Variants in PIAS1 observed in about 807,000 individuals in gnomAD.
The protein encoded by PIAS1 is E3 SUMO-protein ligase PIAS1.
PIAS1 carries 6 observed loss-of-function variants against 71.3 expected under a neutral mutation model. That is an observed-to-expected ratio of 0.08 (90% CI 0.05 to 0.17). The LOEUF is 0.17. Ranked by LOEUF, PIAS1 falls within the 10% of genes least tolerant of loss-of-function variation. The pLI is 1.00. For missense variants in PIAS1, 555 were observed against 793.6 expected (o/e 0.70, Z 3.61); for synonymous variants, 303 against 292.9 (o/e 1.03, Z -0.35).
chr15:68,101,220 C>T (rs2092422433), intron 2 of PIAS1, among the ~76,000 whole-genome samples: 1 of 152,018 alleles, frequency 6.6e-6, no homozygotes, highest in South Asian at 2.1e-4. Flanking sequence ...TTTTAGTTTG[C>T]ATTTCCCTAA....
At chr15:68,183,782 T>G (rs2093070664) in intron 13 of PIAS1, 115 bp downstream of exon 13, 1 of 557,220 alleles carries the variant, frequency 1.8e-6, no homozygotes, top group Non-Finnish European at 3.3e-6. Flanking sequence ...AAGATTATAA[T>G]GGAGCTGAAA....
rs2092281783 is a variant in PIAS1, at chr15:68,086,387, G to A, written c.106G>A (p.Glu36Lys). ...GAGAAACAAGCACGGACGCAAACACGAACTTCTCACAAAAGCCCTGCATTT... is the reference window on the plus strand; with the variant it reads ...GAGAAACAAGCACGGACGCAAACACAAACTTCTCACAAAAGCCCTGCATTT... Reference protein sequence around the residue: ...AGRNKHGRKHELLTKALHLLK... With the variant: ...AGRNKHGRKHKLLTKALHLLK... The change falls in exon 2 of 14, where the codon GAA (glutamate) becomes AAA (lysine). Residue 36 changes from glutamate to lysine, a missense_variant. By Grantham distance (56) the Glu-to-Lys change is moderately conservative. Transcript: ENST00000249636. The surrounding 1 kb of genome is among the most constrained non-coding windows in gnomAD (Gnocchi z 7.2). 1.9e-6 allele frequency: 3 copies of A among 1,613,580 alleles called. No individual in the cohort carries two copies. Among genetic ancestry groups the A allele is most frequent in the African/African-American group, 2.7e-5 (2 of 74,864 alleles).
At chr15:68,098,194 T>C (rs986379035) in intron 2 of PIAS1, among the ~76,000 whole-genome samples, 2 of 152,172 alleles carry the variant, frequency 1.3e-5, no homozygotes, top group Non-Finnish European at 2.9e-5. Flanking sequence ...TACTATAACC[T>C]ATTGTTTACC....
intron 13 of PIAS1, 128 bp downstream of exon 13, chr15:68,183,795 T>C: frequency 1.8e-6 from 1 of 542,468 alleles, no homozygotes; most frequent in Non-Finnish European, 3.4e-6. Flanking sequence ...AGCTGAAAAA[T>C]CCCTACATCA....
intron 2 of PIAS1, 67 bp from the exon 3 acceptor site, chr15:68,141,879 T>G (rs2092772719): frequency 1.1e-6 from 1 of 946,786 alleles, no homozygotes; most frequent in Non-Finnish European, 1.6e-6. Flanking sequence ...GTGTGTTTTT[T>G]TTTTTTGCTT....
Position 68,142,049 on chromosome 15 carries a change from T to A in PIAS1, c.554+19T>A. The A allele has an allele frequency of 6.6e-7, 1 of 1,519,890 alleles. No homozygotes were observed. The allele number at this position is 1,519,890 out of a possible 1,614,324, so 94.2% of individuals were successfully genotyped here. On this transcript the variant is annotated intron_variant, in intron 3 of 13. Transcript: ENST00000249636. ...GTTCCATGTAAGTTGTCGTCAAGTG[T>A]AACTTGAAGTTTGACCTTTGAATCC...
chr15:68,098,518 A>G (rs756504538), intron 2 of PIAS1, among the ~76,000 whole-genome samples: 1 of 152,188 alleles, frequency 6.6e-6, no homozygotes, highest in Non-Finnish European at 1.5e-5. Context: ...TTCAAGGGTC[A>G]ATTGTACTTA....
At chr15:68,081,617 G>A (rs1169519828) in intron 1 of PIAS1, among the ~76,000 whole-genome samples, 5 of 151,998 alleles carry the variant, frequency 3.3e-5, no homozygotes, top group Admixed American at 1.3e-4. Context: ...AAAATTAAAA[G>A]AGTTCATGGA....
chr15:68,086,404 C>T lies in PIAS1; in HGVS notation c.123C>T (p.Ala41=). 6.2e-7 allele frequency: 1 copy of T among 1,613,782 alleles called. No individual in the cohort carries two copies. The highest frequency in any genetic ancestry group is 8.5e-7 in the Non-Finnish European group (1 of 1,179,774). ...GCAAACACGAACTTCTCACAAAAGC[C>T]CTGCATTTGCTAAAGGCTGGCTGTA... is the stretch of plus-strand genomic sequence containing the variant. ...HGRKHELLTK[A]LHLLKAGCSP... Residue 41 remains alanine (A), a synonymous_variant, in exon 2 of 14, where the codon GCC becomes GCT. Transcript: ENST00000249636. The surrounding 1 kb of genome is among the most constrained non-coding windows in gnomAD (Gnocchi z 7.2).
intron 1 of PIAS1, among the ~76,000 whole-genome samples, chr15:68,075,544 A>G (rs1412925089): frequency 6.6e-6 from 1 of 152,180 alleles, no homozygotes; most frequent in Non-Finnish European, 1.5e-5. Context: ...CTTTACATAG[A>G]CTAAAGGATG....
rs2093012581 is a variant in PIAS1 at position 68,174,954 on chromosome 15, T to C, written c.1170-683T>C. On this transcript the variant is annotated intron_variant, in intron 9 of 13. Coordinates refer to ENST00000249636, the MANE Select transcript of PIAS1 (RefSeq NM_016166.3). This position sits in a 1 kb window ranked among gnomAD's most constrained non-coding sequence, Gnocchi z 4.0. ...ATATTTTCCAACTTTATATGTTACA[T>C]AGCTTTAGGTTCTCCCATTTCTTGT... is the stretch of plus-strand genomic sequence containing the variant. Among the ~76,000 whole-genome samples, 1 of 152,212 alleles carries C rather than the reference T, an allele frequency of 6.6e-6. No individual in the cohort carries two copies. The highest frequency in any genetic ancestry group is 1.5e-5 in the Non-Finnish European group (1 of 68,028).
At chr15:68,100,625 C>T (rs1399481506) in intron 2 of PIAS1, among the ~76,000 whole-genome samples, 1 of 152,174 alleles carries the variant, frequency 6.6e-6, no homozygotes, top group East Asian at 1.9e-4. Context: ...TATTCATATA[C>T]AATTTCCTGT....
chr15:68,066,994 C>G (rs539902050), intron 1 of PIAS1, among the ~76,000 whole-genome samples: 1 of 152,146 alleles, frequency 6.6e-6, no homozygotes, highest in South Asian at 2.1e-4. Flanking sequence ...AGGCTACTTA[C>G]CTGGCTGATA....
At chr15:68,072,317 G>A (rs959427786) in intron 1 of PIAS1, among the ~76,000 whole-genome samples, 7 of 147,864 alleles carry the variant, frequency 4.7e-5, no homozygotes, top group African/African-American at 1.3e-4. Flanking sequence ...GGAGAATGGC[G>A]TGAACCCAGG....
At chr15:68,156,510 C>G (rs2092890377) in intron 7 of PIAS1, among the ~76,000 whole-genome samples, 1 of 151,878 alleles carries the variant, frequency 6.6e-6, no homozygotes, top group Non-Finnish European at 1.5e-5. Context: ...GAGTTCAGAC[C>G]AGCCTGACCA....
chr15:68,153,092 A>G (rs1049484855), intron 6 of PIAS1, among the ~76,000 whole-genome samples: 1 of 151,850 alleles, frequency 6.6e-6, no homozygotes, highest in African/African-American at 2.4e-5. Context: ...GCATAGAGAA[A>G]GGTTAAAAGG....
Position 68,145,898 on chromosome 15 carries a change from A to G in PIAS1, c.685A>G (p.Ser229Gly). ...TGTGAAAGTGAATACAAAACCTTGC[A>G]GCCTTCCAGTAAGTCCTAAGAGCTG... ...LCVKVNTKPC[S>G]LPGYLPPTKN... Residue 229 changes from serine to glycine, a missense_variant, in exon 5 of 14, where the codon AGC becomes GGC. By Grantham distance (56) the Ser-to-Gly change is moderately conservative. Around this residue, in one of 5 missense-constraint regions of PIAS1, gnomAD observed 134 missense variants for 203.4 expected, o/e 0.66. Transcript: ENST00000249636. 1 of 1,599,850 alleles carries G rather than the reference A, an allele frequency of 6.3e-7. No individual in the cohort carries two copies. The highest frequency in any genetic ancestry group is 8.6e-7 in the Non-Finnish European group (1 of 1,167,200).
chr15:68,069,803 CAAAAAAAA>C (rs56693841), intron 1 of PIAS1, among the ~76,000 whole-genome samples: 3 of 101,456 alleles, frequency 3.0e-5, no homozygotes, highest in African/African-American at 1.1e-4. Flanking sequence ...GACTCCGTCT[CAAAAAAAA>C]AAAAAAAAAA....
At chr15:68,127,163 A>C (rs6494717) in intron 2 of PIAS1, among the ~76,000 whole-genome samples, 151,153 of 152,104 alleles carry the variant, frequency 0.99, 75,115 homozygotes, top group Middle Eastern at 1. Context: ...TGACCTTGTG[A>C]TCTGCCCGCC....
Sources: allele counts gnomAD v4.1 joint callset (sites outside exome capture counted in the v4.1 genomes callset), GRCh38; gene constraint gnomAD v4.1.1; regional missense constraint gnomAD v4.1.1; non-coding constraint Gnocchi (gnomAD v3.1); transcripts MANE v1.5; gene names NCBI Gene and HGNC (gene_info 2026-07-23, HGNC 2026-07-21).